Variants in PCDHGB4 observed in about 807,000 individuals in gnomAD.
PCDHGB4 encodes the protein protocadherin gamma subfamily B, 4.
PCDHGB4 carries 38 observed loss-of-function variants against 60.5 expected under a neutral mutation model. The ratio of observed to expected loss-of-function variants is 0.63; its 90% CI spans 0.48 to 0.82. The LOEUF (loss-of-function observed/expected upper bound fraction) is 0.82, where lower values mean the gene tolerates loss of function less well. Among genes scored for constraint, PCDHGB4 ranks in the 40% least tolerant of loss-of-function variants. The probability of loss-of-function intolerance (pLI) is 0.00; values close to 1 mark genes in which losing one functional copy is unlikely to be tolerated. For missense variants in PCDHGB4, 1,109 were observed against 1,209.6 expected, an observed-to-expected ratio of 0.92 and a Z score of 1.23; for synonymous variants, 456 against 509.7, an observed-to-expected ratio of 0.89 and a Z score of 1.42.
At position 141,413,874 on chromosome 5, in the gene PCDHGB4, T is replaced by G. The variant is rs1371905896; in HGVS notation, c.2397+23593T>G. ...TCCGATCTGGCACTGTCCTTGTCAG[T>G]GTGACTGTCTTCGATGCAAATGACA... is the stretch of plus-strand genomic sequence containing the variant. On this transcript the variant is annotated intron_variant, in intron 1 of 3. Coordinates refer to ENST00000519479, the MANE Select transcript of PCDHGB4 (RefSeq NM_003736.4). 6 of 1,613,306 alleles carry G rather than the reference T, an allele frequency of 3.7e-6. No homozygotes were observed. In the African/African-American group the frequency reaches 8.0e-5, roughly 22 times the overall value.
chr5:141,471,047 T>C (rs1270779800), intron 1 of PCDHGB4, among the ~76,000 whole-genome samples: 3 of 63,666 alleles, frequency 4.7e-5, no homozygotes. Flanking sequence ...CCAAGCCCTC[T>C]TTTTTTTTTT....
intron 1 of PCDHGB4, among the ~76,000 whole-genome samples, chr5:141,401,424 T>G (rs1408860840): frequency 6.6e-6 from 1 of 152,170 alleles, no homozygotes; most frequent in Non-Finnish European, 1.5e-5. Flanking sequence ...AGAGACTGAT[T>G]CACTGAACTT....
intron 1 of PCDHGB4, among the ~76,000 whole-genome samples, chr5:141,429,880 G>A (rs1209368869): frequency 6.6e-6 from 1 of 152,104 alleles, no homozygotes; most frequent in Non-Finnish European, 1.5e-5. Context: ...CTTTTACTAA[G>A]TTTCCTGAAC....
intron 1 of PCDHGB4, among the ~76,000 whole-genome samples, chr5:141,405,770 G>C (rs989163026): frequency 1.3e-5 from 2 of 152,032 alleles, no homozygotes; most frequent in East Asian, 3.9e-4. Context: ...GAGCCACTGC[G>C]CCTGGCCCTT....
intron 1 of PCDHGB4, chr5:141,475,934 GC>G (rs879308605): frequency 6.0e-6 from 4 of 665,236 alleles, no homozygotes; most frequent in Non-Finnish European, 1.0e-5. Context: ...TCGGGCCCCT[GC>G]CCGTCCCCTT....
In PCDHGB4 at chr5:141,393,242, C is replaced by T. The variant is rs151037104; in HGVS notation, c.2397+2961C>T. 1,015 of 1,613,778 alleles carry T rather than the reference C, an allele frequency of 6.3e-4. 8 individuals carry two copies. The African/African-American group carries it at 0.012, about 18-fold the overall frequency. ...TCGAAGATCTAGAAGTAAAAATTAA[C>T]GAAATCGCGGTTCCTGGAGCACGTT... is the stretch of plus-strand genomic sequence containing the variant. On this transcript the variant is annotated intron_variant, in intron 1 of 3. Coordinates refer to ENST00000519479, the MANE Select transcript of PCDHGB4 (RefSeq NM_003736.4).
Position 141,491,417 on chromosome 5 carries a change from G to A in PCDHGB4, c.2398-3390G>A, listed in dbSNP as rs200843744. 5 of 1,613,988 alleles carry A rather than the reference G, an allele frequency of 3.1e-6. No homozygotes were observed. The highest frequency in any genetic ancestry group is 1.1e-5 in the South Asian group (1 of 91,092). Reference sequence around the variant, plus strand: ...CAGGGAAACGCAGACGGGGACGGGGGTGGAGGGCAGTGCTGCAGGCGCCAG... The same window carrying A: ...CAGGGAAACGCAGACGGGGACGGGGATGGAGGGCAGTGCTGCAGGCGCCAG... On this transcript the variant is annotated intron_variant, in intron 1 of 3. Transcript: ENST00000519479. The surrounding 1 kb of genome is among the most constrained non-coding windows in gnomAD (Gnocchi z 6.9).
chr5:141,404,586 A>G, intron 1 of PCDHGB4: 1 of 1,614,008 alleles, frequency 6.2e-7, no homozygotes, highest in Non-Finnish European at 8.5e-7. Context: ...CTTAGCAGCA[A>G]TGTGTCATTG....
At chr5:141,399,205 A>G (rs1344993471) in intron 1 of PCDHGB4, 1 of 1,613,982 alleles carries the variant, frequency 6.2e-7, no homozygotes, top group Admixed American at 1.7e-5. Flanking sequence ...GGTGCCTGGA[A>G]CACTAATTGC....
rs1452697214 is a variant in PCDHGB4, at chr5:141,476,552, G to A, written c.2398-18255G>A. ...CCAGGAAATGAAATTGGAGATTAGCGAGGCCGTGGCTCCGGGGACGCGCTT... is the reference window on the plus strand; with the variant it reads ...CCAGGAAATGAAATTGGAGATTAGCAAGGCCGTGGCTCCGGGGACGCGCTT... On this transcript the variant is annotated intron_variant, in intron 1 of 3. Transcript: ENST00000519479. The surrounding 1 kb of genome is among the most constrained non-coding windows in gnomAD (Gnocchi z 7.6). 1 of 1,614,210 alleles carries A rather than the reference G, an allele frequency of 6.2e-7. No homozygotes were observed. Among genetic ancestry groups the A allele is most frequent in the Non-Finnish European group, 8.5e-7 (1 of 1,180,032 alleles).
At chr5:141,392,925 G>A (rs1230996735) in intron 1 of PCDHGB4, 22 of 1,613,946 alleles carry the variant, frequency 1.4e-5, no homozygotes, top group Non-Finnish European at 1.9e-5. Flanking sequence ...TGTGCCAGAA[G>A]AGACGGACAA....
Position 141,388,948 on chromosome 5 carries a change from T to A in PCDHGB4, c.1064T>A (p.Met355Lys), listed in dbSNP as rs751779962. Residue 355 changes from methionine (M) to lysine (K), a missense_variant, in exon 1 of 4, where the codon ATG (methionine) becomes AAG (lysine). By Grantham distance (95) the Met-to-Lys change is moderately conservative. Coordinates refer to ENST00000519479, the MANE Select transcript of PCDHGB4 (RefSeq NM_003736.4). ...VIFQSLPNLI[M>K]EDAELGTHIA... ...TTCCAGTCTCTACCCAACCTAATTA[T>A]GGAGGACGCCGAGCTGGGAACACAT... The A allele has an allele frequency of 1.9e-6, 3 of 1,614,022 alleles. No individual in the cohort carries two copies. The highest frequency in any genetic ancestry group is 2.5e-6 in the Non-Finnish European group (3 of 1,179,882).
intron 2 of PCDHGB4, among the ~76,000 whole-genome samples, chr5:141,504,118 G>A (rs948008198): frequency 6.6e-6 from 1 of 152,096 alleles, no homozygotes; most frequent in African/African-American, 2.4e-5. Flanking sequence ...GTGTGCCAGG[G>A]CTGTTTCCCG....
chr5:141,423,751 G>GT, intron 1 of PCDHGB4: 12 of 349,026 alleles, frequency 3.4e-5, no homozygotes, highest in Non-Finnish European at 4.3e-5. Context: ...AAAACTGTTT[G>GT]GGGGGGGGGT....
chr5:141,433,987 T>C (rs1332689630), intron 1 of PCDHGB4, among the ~76,000 whole-genome samples: 1 of 152,252 alleles, frequency 6.6e-6, no homozygotes, highest in Non-Finnish European at 1.5e-5. Context: ...GAAGAAGAGT[T>C]TTATATTCTC....
rs115565444 is a variant in PCDHGB4, at chr5:141,487,520, G to A, written c.2398-7287G>A. On this transcript the variant is annotated intron_variant, in intron 1 of 3. Transcript: ENST00000519479. This position sits in a 1 kb window ranked among gnomAD's most constrained non-coding sequence, Gnocchi z 5.0. ...CTTGGCTTCTGCACCCACTCGGAGT[G>A]ATAGCTTCATGATGGTGAAGTCACC... is the stretch of plus-strand genomic sequence containing the variant. The A allele has an allele frequency of 3.3e-4, 540 of 1,614,166 alleles. 6 individuals carry two copies. The East Asian group carries it at 8.7e-3, about 26-fold the overall frequency.
At chr5:141,454,019 A>G (rs905033407) in intron 1 of PCDHGB4, among the ~76,000 whole-genome samples, 1 of 152,262 alleles carries the variant, frequency 6.6e-6, no homozygotes, top group African/African-American at 2.4e-5. Flanking sequence ...AGAAAAATGT[A>G]TTAAGAATTG....
chr5:141,413,891 C>G, intron 1 of PCDHGB4: 1 of 1,613,382 alleles, frequency 6.2e-7, no homozygotes, highest in East Asian at 2.2e-5. Flanking sequence ...GTCTTCGATG[C>G]AAATGACAAC....
chr5:141,501,311 AC>A (rs2099807696), intron 2 of PCDHGB4, among the ~76,000 whole-genome samples: 1 of 151,670 alleles, frequency 6.6e-6, no homozygotes, highest in Non-Finnish European at 1.5e-5. Context: ...ACACACACAC[AC>A]ACACACACAC....
Sources: allele counts gnomAD v4.1 joint callset (sites outside exome capture counted in the v4.1 genomes callset), GRCh38; gene constraint gnomAD v4.1.1; non-coding constraint Gnocchi (gnomAD v3.1); transcripts MANE v1.5; gene names NCBI Gene and HGNC (gene_info 2026-07-23, HGNC 2026-07-21).